Variants in ATL2 observed in about 807,000 individuals in gnomAD.
ATL2 encodes atlastin-2.
In ATL2, 31 loss-of-function variants were observed where a neutral mutation model predicts 73.9. That is an observed-to-expected ratio of 0.42 (90% CI 0.32 to 0.57). ATL2 has a LOEUF of 0.57. ATL2 is among the 20% of genes least tolerant of loss of function. ATL2 has a pLI of 0.14. For missense variants in ATL2, 738 were observed against 702.6 expected (o/e 1.05, Z -0.57); for synonymous variants, 291 against 237.5 (o/e 1.23, Z -2.07).
chr2:38,338,952 C>T (rs1669534024), intron 2 of ATL2, among the ~76,000 whole-genome samples: 1 of 152,184 alleles, frequency 6.6e-6, no homozygotes, highest in African/African-American at 2.4e-5. Flanking sequence ...ACCAGGCTCA[C>T]ACCTTTAATA....
chr2:38,374,813 A>C (rs1573611069), intron 1 of ATL2, among the ~76,000 whole-genome samples: 1 of 152,230 alleles, frequency 6.6e-6, no homozygotes, highest in African/African-American at 2.4e-5. Context: ...CAATTTCAAG[A>C]AAGTTACTTA....
intron 1 of ATL2, among the ~76,000 whole-genome samples, chr2:38,355,866 T>C (rs1164469298): frequency 1.3e-5 from 2 of 151,756 alleles, no homozygotes; most frequent in African/African-American, 4.8e-5. Flanking sequence ...CGCCTAATTT[T>C]TGTATTTTTA....
rs867242986 is a variant in ATL2, at chr2:38,340,185, G to A, written c.363+3083C>T. 8.5e-4 allele frequency among the ~76,000 whole-genome samples: 64 copies of A among 75,100 alleles called. 3 individuals are homozygous for A. Among genetic ancestry groups the A allele is most frequent in the Admixed American group, 1.9e-3 (14 of 7,396 alleles). 49.3% of individuals were successfully genotyped at this position (75,100 alleles called of 152,430 possible). A position where few individuals can be genotyped will look rare whatever the true frequency, so the allele number is the denominator to read the frequency against. On this transcript the variant is annotated intron_variant, in intron 2 of 12. Coordinates refer to ENST00000378954, the MANE Select transcript of ATL2 (RefSeq NM_001135673.4). ...GTTAGTTTTGGTGGGGGGGGGGGGG[G>A]GGTAGACATTAACTGAGAAGGAACA... is the stretch of plus-strand genomic sequence containing the variant.
intron 2 of ATL2, among the ~76,000 whole-genome samples, chr2:38,334,896 A>AT (rs1669237868): frequency 3.9e-5 from 1 of 25,546 alleles, no homozygotes; most frequent in African/African-American, 7.9e-5. Context: ...TATATAATAT[A>AT]TATTATTTAT....
intron 9 of ATL2, among the ~76,000 whole-genome samples, chr2:38,303,905 G>A (rs1231563960): frequency 1.3e-5 from 2 of 152,142 alleles, no homozygotes; most frequent in Non-Finnish European, 2.9e-5. Context: ...GTCAAGGTGG[G>A]GGAACTGCCT....
chr2:38,338,237 A>G (rs1558426797), intron 2 of ATL2, among the ~76,000 whole-genome samples: 1 of 152,190 alleles, frequency 6.6e-6, no homozygotes, highest in Non-Finnish European at 1.5e-5. Flanking sequence ...GATTTTACTT[A>G]AAAGTAGAAG....
intron 2 of ATL2, among the ~76,000 whole-genome samples, chr2:38,327,255 T>C (rs963529488): frequency 2.0e-5 from 3 of 151,790 alleles, no homozygotes; most frequent in African/African-American, 7.3e-5. Flanking sequence ...TAAAATAAAA[T>C]CTTTTAGGTG....
At chr2:38,343,664 C>A in intron 1 of ATL2, 152 bp from the exon 2 acceptor site, 2 of 714,626 alleles carry the variant, frequency 2.8e-6, no homozygotes, top group South Asian at 1.8e-5. Context: ...CTCACTCCCT[C>A]TGTGACAGGA....
intron 12 of ATL2, among the ~76,000 whole-genome samples, chr2:38,297,353 G>A (rs1202350823): frequency 6.6e-6 from 1 of 152,102 alleles, no homozygotes; most frequent in Admixed American, 6.6e-5. Context: ...TATAGCGTTC[G>A]TCATTAATAA....
intron 8 of ATL2, 62 bp downstream of exon 8, chr2:38,310,247 C>T: frequency 6.4e-7 from 1 of 1,564,106 alleles, no homozygotes; most frequent in South Asian, 1.2e-5. Flanking sequence ...CATGTATTTT[C>T]TTAAAAAACT....
chr2:38,340,192 C>T (rs148925854), intron 2 of ATL2, among the ~76,000 whole-genome samples: 939 of 69,544 alleles, frequency 0.014, 165 homozygotes, highest in East Asian at 0.13. Context: ...GGGGGGTAGA[C>T]ATTAACTGAG....
At chr2:38,364,640 G>A (rs80108798) in intron 1 of ATL2, among the ~76,000 whole-genome samples, 1 of 152,170 alleles carries the variant, frequency 6.6e-6, no homozygotes, top group Non-Finnish European at 1.5e-5. Context: ...TTAGTACAAT[G>A]ACTCTAAGAG....
At chr2:38,377,733 T>C (rs565081563), upstream of ATL2, among the ~76,000 whole-genome samples, 3 of 151,998 alleles carry the variant, frequency 2.0e-5, no homozygotes, top group Non-Finnish European at 4.4e-5. Context: ...CTCCTTTTCA[T>C]CGCCCCCTCC....
intron 9 of ATL2, among the ~76,000 whole-genome samples, chr2:38,303,750 C>G (rs1367410792): frequency 6.6e-6 from 1 of 152,032 alleles, no homozygotes; most frequent in South Asian, 2.1e-4. Context: ...TATTTAAGAA[C>G]AAAAGATTAT....
At chr2:38,339,708 G>C (rs913433588) in intron 2 of ATL2, among the ~76,000 whole-genome samples, 4 of 151,990 alleles carry the variant, frequency 2.6e-5, no homozygotes, top group African/African-American at 9.7e-5. Flanking sequence ...ATTTATTTTT[G>C]AGACAGAGTT....
Position 38,343,487 on chromosome 2 carries a change from T to C in ATL2, c.144A>G (p.Leu48=), listed in dbSNP as rs1669847802. The C allele has an allele frequency of 6.2e-7, 1 of 1,606,970 alleles. No homozygotes were observed. Among genetic ancestry groups the C allele is most frequent in the African/African-American group, 1.3e-5 (1 of 74,546 alleles). ...TCTTCATAACCTCATCAGAATTTAC[T>C]AGGTCATCATCTTCATAATTCTCAC... The part of the protein sequence containing the change: ...SLGENYEDDD[L]VNSDEVMKKP... The change falls in exon 2 of 13, where the codon CTA becomes CTG. Residue 48 remains leucine, a synonymous_variant. Coordinates refer to ENST00000378954, the MANE Select transcript of ATL2 (RefSeq NM_001135673.4).
chr2:38,325,047 A>C (rs1380284871), intron 2 of ATL2, among the ~76,000 whole-genome samples: 1 of 152,222 alleles, frequency 6.6e-6, no homozygotes, highest in Non-Finnish European at 1.5e-5. Context: ...TATGTTATGT[A>C]TATCTTACCA....
chr2:38,363,965 T>G (rs1449423742), intron 1 of ATL2, among the ~76,000 whole-genome samples: 1 of 152,178 alleles, frequency 6.6e-6, no homozygotes, highest in Non-Finnish European at 1.5e-5. Flanking sequence ...TAAGGCTAAC[T>G]TTAAAAATGT....
intron 1 of ATL2, among the ~76,000 whole-genome samples, chr2:38,365,214 A>G (rs1671253604): frequency 6.6e-6 from 1 of 151,380 alleles, no homozygotes; most frequent in African/African-American, 2.4e-5. Flanking sequence ...CAAATTTAGA[A>G]TATTTAAATT....
Sources: allele counts gnomAD v4.1 joint callset (sites outside exome capture counted in the v4.1 genomes callset), GRCh38; gene constraint gnomAD v4.1.1; transcripts MANE v1.5; gene names NCBI Gene and HGNC (gene_info 2026-07-23, HGNC 2026-07-21).